MARK4: variants seen among roughly 807,000 people sequenced by gnomAD.
MARK4 encodes the protein MAP/microtubule affinity-regulating kinase 4.
MARK4 carries 19 observed loss-of-function variants against 81.5 expected under a neutral mutation model. That is an observed-to-expected ratio of 0.23 (90% confidence interval 0.16 to 0.34). The LOEUF (loss-of-function observed/expected upper bound fraction) is 0.34, where lower values mean the gene tolerates loss of function less well. MARK4 is among the 10% of genes least tolerant of loss of function. The probability of loss-of-function intolerance (pLI) is 1.00; values close to 1 mark genes in which losing one functional copy is unlikely to be tolerated. For missense variants in MARK4, 772 were observed against 1,058.8 expected, an observed-to-expected ratio of 0.73 and a Z score of 3.76; for synonymous variants, 436 against 439.0, an observed-to-expected ratio of 0.99 and a Z score of 0.08.
rs550136935 is a variant in MARK4 at position 45,259,048 on chromosome 19, A to G, written c.111A>G (p.Ser37=). The G allele has an allele frequency of 3.8e-5, 62 of 1,613,980 alleles. No homozygotes were observed. The South Asian group carries it at 6.8e-4, about 18-fold the overall frequency. The change falls in exon 2 of 17, where the codon TCA becomes TCG. Residue 37 remains serine, a synonymous_variant. Transcript: ENST00000262891. ...AAGGCCCGTCCTGGTCCAGCCGCTC[A>G]CTGGGTGCCCGTTGCCGGAACTCCA... ...SDKGPSWSSR[S]LGARCRNSIA...
At chr19:45,258,696 TC>T (rs1369268161) in intron 1 of MARK4, among the ~76,000 whole-genome samples, 1 of 150,106 alleles carries the variant, frequency 6.7e-6, no homozygotes, top group Non-Finnish European at 1.5e-5. Context: ...GAAGACTCCA[TC>T]CGAAGGAAAA....
At chr19:45,263,493 G>A in intron 4 of MARK4, 126 bp downstream of exon 4, 4 of 1,209,490 alleles carry the variant, frequency 3.3e-6, no homozygotes, top group African/African-American at 1.5e-5. Flanking sequence ...TGTAATCCCA[G>A]CACTTAGGGA....
intron 12 of MARK4, among the ~76,000 whole-genome samples, chr19:45,286,358 T>G (rs1354397597): frequency 6.7e-6 from 1 of 148,810 alleles, no homozygotes; most frequent in Non-Finnish European, 1.5e-5. Flanking sequence ...CTGGCCCTGT[T>G]ATGGGTTTTA....
At position 45,303,033 on chromosome 19, in the gene MARK4, C is replaced by A; in HGVS notation, c.*323C>A. On this transcript the variant is annotated 3_prime_UTR_variant, in exon 17 of 17. Coordinates refer to ENST00000262891, the MANE Select transcript of MARK4 (RefSeq NM_001199867.2). Reference sequence around the variant, plus strand: ...GGGAAACTGAGGAAATCTTCCATTCCTCCCAACAGCTCAAAATTAGGCCTT... The same window carrying A: ...GGGAAACTGAGGAAATCTTCCATTCATCCCAACAGCTCAAAATTAGGCCTT... 1 of 373,546 alleles carries A rather than the reference C, an allele frequency of 2.7e-6. No homozygotes were observed. The highest frequency in any genetic ancestry group is 4.9e-6 in the Non-Finnish European group (1 of 205,496). The allele number at this position is 373,546 out of a possible 1,614,324, so 23.1% of individuals were successfully genotyped here. A position where few individuals can be genotyped will look rare whatever the true frequency, so the allele number is the denominator to read the frequency against.
Position 45,294,298 on chromosome 19 carries a change from CAG to C in MARK4, c.1495-50_1495-49del, listed in dbSNP as rs780597619. 7.8e-6 allele frequency: 12 copies of C among 1,547,226 alleles called. No homozygotes were observed. The South Asian group carries it at 9.0e-5, about 12-fold the overall frequency. ...GCAGAGAAGGGAAGAGGGAGAAGCT[CAG>C]GGGCATGTCTTCACCCCCTCACTCC... On this transcript the variant is annotated intron_variant, in intron 13 of 16. Coordinates refer to ENST00000262891, the MANE Select transcript of MARK4 (RefSeq NM_001199867.2).
At chr19:45,261,289 G>A (rs1313150021) in intron 2 of MARK4, among the ~76,000 whole-genome samples, 2 of 152,116 alleles carry the variant, frequency 1.3e-5, no homozygotes, top group Non-Finnish European at 2.9e-5. Flanking sequence ...GTGAACATAG[G>A]TATAAAAATC....
Position 45,261,708 on chromosome 19 carries a change from C to T in MARK4, c.253-1405C>T, listed in dbSNP as rs183308527. On this transcript the variant is annotated intron_variant, in intron 2 of 16. Coordinates refer to ENST00000262891, the MANE Select transcript of MARK4 (RefSeq NM_001199867.2). ...CAGCACCTTGGGAGGCTCAGGCAGG[C>T]GGATCACCTGATGTTGGGCGTTCAA... Among the ~76,000 whole-genome samples, 273 of 152,102 alleles carry T rather than the reference C, an allele frequency of 1.8e-3. 1 individual carries two copies. Among genetic ancestry groups the T allele is most frequent in the Non-Finnish European group, 2.9e-3 (200 of 67,988 alleles).
intron 8 of MARK4, among the ~76,000 whole-genome samples, chr19:45,275,401 C>G (rs966101066): frequency 2.0e-5 from 3 of 152,222 alleles, no homozygotes; most frequent in Admixed American, 1.3e-4. Context: ...GGGAGAATTG[C>G]TTGAGCCCAG....
chr19:45,302,542 C>G lies in MARK4; in HGVS notation c.2091C>G (p.Ala697=). 6.3e-7 allele frequency: 1 copy of G among 1,598,256 alleles called. No individual in the cohort carries two copies. The highest frequency in any genetic ancestry group is 1.1e-5 in the South Asian group (1 of 90,910). Residue 697 remains alanine, a synonymous_variant, in exon 17 of 17, where the codon GCC becomes GCG. Coordinates refer to ENST00000262891, the MANE Select transcript of MARK4 (RefSeq NM_001199867.2). This position sits in a 1 kb window ranked among gnomAD's most constrained non-coding sequence, Gnocchi z 4.9. ...RCRQPQPFLL[A]CLHGGAGGPE... ...GCCAGCCACAGCCGTTCCTGCTGGCCTGCCTGCACGGGGGTGCGGGCGGGC... is the reference window on the plus strand; with the variant it reads ...GCCAGCCACAGCCGTTCCTGCTGGCGTGCCTGCACGGGGGTGCGGGCGGGC...
intron 15 of MARK4, among the ~76,000 whole-genome samples, chr19:45,299,197 C>T (rs574378666): frequency 2.0e-5 from 3 of 151,714 alleles, no homozygotes; most frequent in African/African-American, 7.3e-5. Flanking sequence ...GCACTTTGGA[C>T]AGATGACTTG....
In MARK4 at chr19:45,303,319, C is replaced by T. The variant is rs542483994; in HGVS notation, c.*609C>T. Reference sequence around the variant, plus strand: ...ACCCCGACCCTCCTCCTGTCAGCCCCCTCACCTGCAGCCTGTTGCCCAATA... The same window carrying T: ...ACCCCGACCCTCCTCCTGTCAGCCCTCTCACCTGCAGCCTGTTGCCCAATA... On this transcript the variant is annotated 3_prime_UTR_variant, in exon 17 of 17. Transcript: ENST00000262891. The T allele has an allele frequency of 1.3e-5, 2 of 153,726 alleles. No homozygotes were observed. Among genetic ancestry groups the T allele is most frequent in the Non-Finnish European group, 2.9e-5 (2 of 68,778 alleles). The allele number at this position is 153,726 out of a possible 1,614,324, so 9.5% of individuals were successfully genotyped here.
intron 1 of MARK4, among the ~76,000 whole-genome samples, chr19:45,254,857 C>T (rs1438990915): frequency 4.6e-5 from 7 of 152,244 alleles, no homozygotes; most frequent in Non-Finnish European, 7.4e-5. Flanking sequence ...TAAGTGTAGG[C>T]GAGTTACCTG....
At chr19:45,285,973 G>C (rs1412037068) in intron 12 of MARK4, among the ~76,000 whole-genome samples, 2 of 152,178 alleles carry the variant, frequency 1.3e-5, no homozygotes, top group Non-Finnish European at 2.9e-5. Flanking sequence ...GTTTGGAAAG[G>C]ATAGACAGTG....
intron 12 of MARK4, among the ~76,000 whole-genome samples, chr19:45,286,447 C>T (rs912868763): frequency 1.7e-4 from 26 of 150,902 alleles, no homozygotes; most frequent in African/African-American, 4.9e-5. Context: ...CGGTGGCTCA[C>T]GCCTGTAATC....
intron 13 of MARK4, among the ~76,000 whole-genome samples, chr19:45,290,786 G>C (rs28733168): frequency 0.11 from 17,186 of 152,226 alleles, 1,110 homozygotes; most frequent in African/African-American, 0.17. Flanking sequence ...CTGTGACCCT[G>C]CCACCACCTG....
intron 12 of MARK4, among the ~76,000 whole-genome samples, chr19:45,287,004 C>G (rs1970751383): frequency 6.6e-6 from 1 of 151,882 alleles, no homozygotes; most frequent in African/African-American, 2.4e-5. Context: ...CTTGACTTAT[C>G]TAGTCATTCC....
chr19:45,266,909 T>C (rs1970461901), intron 7 of MARK4, among the ~76,000 whole-genome samples: 1 of 151,226 alleles, frequency 6.6e-6, no homozygotes, highest in Non-Finnish European at 1.5e-5. Context: ...ATTTTTTATA[T>C]TTTTAGTAGA....
chr19:45,297,916 C>T lies in MARK4; in HGVS notation c.1839C>T (p.Thr613=). The change falls in exon 15 of 17, where the codon ACC becomes ACT. Residue 613 remains threonine, a synonymous_variant. Coordinates refer to ENST00000262891, the MANE Select transcript of MARK4 (RefSeq NM_001199867.2). ...CCGCCGGGCGGCCCCGCCCCACCAC[C>T]AACCTCTTCACCAAGCTGACCTCCA... ...PLPAGRPRPT[T]NLFTKLTSKL... The T allele has an allele frequency of 6.5e-7, 1 of 1,550,024 alleles. No homozygotes were observed. The highest frequency in any genetic ancestry group is 8.7e-7 in the Non-Finnish European group (1 of 1,146,620).
At chr19:45,266,094 G>T in intron 6 of MARK4, 131 bp from the exon 7 acceptor site, 1 of 879,256 alleles carries the variant, frequency 1.1e-6, no homozygotes, top group South Asian at 1.4e-5. Context: ...CTGAATCAGG[G>T]TGTGAGGCCC....
Sources: gnomAD v4.1 joint callset for allele counts (sites outside exome capture counted in the v4.1 genomes callset) on GRCh38, gnomAD v4.1.1 for gene constraint, Gnocchi (gnomAD v3.1) non-coding constraint, MANE v1.5 for transcripts, NCBI Gene and HGNC (gene_info 2026-07-23, HGNC 2026-07-21) for gene names.